NRG3: variants seen among roughly 807,000 people sequenced by gnomAD.
The protein encoded by NRG3 is neuregulin 3, also known as pro-neuregulin-3, membrane-bound isoform.
In NRG3, 31 loss-of-function variants were observed where a neutral mutation model predicts 66.9. That is an observed-to-expected ratio of 0.46 (90% CI 0.35 to 0.63). NRG3 has a LOEUF of 0.63. Ranked by LOEUF, NRG3 falls within the 20% of genes least tolerant of loss-of-function variation. The pLI is 0.00. For missense variants in NRG3, 910 were observed against 878.9 expected (o/e 1.04, Z -0.45); for synonymous variants, 393 against 359.4 (o/e 1.09, Z -1.06).
chr10:82,454,527 T>C (rs2091182673), intron 2 of NRG3, among the ~76,000 whole-genome samples: 1 of 152,180 alleles, frequency 6.6e-6, no homozygotes, highest in Non-Finnish European at 1.5e-5. Context: ...GTGTAAAATA[T>C]AATGTATTAT....
intron 1 of NRG3, among the ~76,000 whole-genome samples, chr10:82,174,654 T>C (rs761781682): frequency 5.3e-5 from 8 of 152,112 alleles, no homozygotes; most frequent in Non-Finnish European, 1.0e-4. Context: ...CTTTTCAATA[T>C]ATCAGTTCTC....
At chr10:82,868,245 T>C (rs1431036091) in intron 4 of NRG3, among the ~76,000 whole-genome samples, 1 of 152,248 alleles carries the variant, frequency 6.6e-6, no homozygotes, top group African/African-American at 2.4e-5. Flanking sequence ...TAATTTGCTA[T>C]AGATGCAATC....
chr10:82,894,618 T>G (rs1843471965), intron 4 of NRG3, among the ~76,000 whole-genome samples: 1 of 152,216 alleles, frequency 6.6e-6, no homozygotes, highest in African/African-American at 2.4e-5. Flanking sequence ...TTGTATAAAT[T>G]TGTATTTTTC....
At chr10:82,059,224 C>T (rs2064004024) in intron 1 of NRG3, among the ~76,000 whole-genome samples, 1 of 152,172 alleles carries the variant, frequency 6.6e-6, no homozygotes, top group Non-Finnish European at 1.5e-5. Flanking sequence ...TTTTGAACAA[C>T]ATCTAGGCTG....
intron 2 of NRG3, among the ~76,000 whole-genome samples, chr10:82,379,721 A>G (rs774135562): frequency 8.5e-5 from 13 of 152,078 alleles, no homozygotes; most frequent in Admixed American, 2.0e-4. Flanking sequence ...CTTTGTATAT[A>G]TGTATATTAC....
At chr10:82,603,328 T>C (rs919726623) in intron 2 of NRG3, among the ~76,000 whole-genome samples, 4 of 152,218 alleles carry the variant, frequency 2.6e-5, no homozygotes, top group African/African-American at 9.6e-5. Flanking sequence ...CCCTCTTTTT[T>C]ATTCAAACCA....
At chr10:81,973,623 C>T (rs1589649562) in intron 1 of NRG3, among the ~76,000 whole-genome samples, 1 of 152,086 alleles carries the variant, frequency 6.6e-6, no homozygotes, top group Non-Finnish European at 1.5e-5. Context: ...TAGATGGTAT[C>T]TCATTGCAGT....
chr10:81,954,531 G>T (rs1168344575), intron 1 of NRG3, among the ~76,000 whole-genome samples: 1 of 152,102 alleles, frequency 6.6e-6, no homozygotes, highest in Non-Finnish European at 1.5e-5. Flanking sequence ...GAACTCAAGA[G>T]CTTGCTTTCT....
At chr10:82,128,073 G>A (rs1394772335) in intron 1 of NRG3, among the ~76,000 whole-genome samples, 3 of 151,880 alleles carry the variant, frequency 2.0e-5, no homozygotes, top group Non-Finnish European at 2.9e-5. Flanking sequence ...TAATGACTGA[G>A]TTGGACTTGT....
chr10:82,755,092 A>T lies in NRG3; in HGVS notation c.1027+16442A>T, dbSNP rs1395596753. Among the ~76,000 whole-genome samples the T allele has an allele frequency of 7.2e-5, 11 of 152,146 alleles. No homozygotes were observed. The East Asian group carries it at 1.7e-3, about 24-fold the overall frequency. ...ATAGTGGTCAAGAGTGGGGAGATAT[A>T]TCTCAGGAGAGTCTCAGGTAGTTTG... On this transcript the variant is annotated intron_variant, in intron 3 of 8. Transcript: ENST00000372141.
At chr10:82,601,655 C>T (rs911171503) in intron 2 of NRG3, among the ~76,000 whole-genome samples, 12 of 151,444 alleles carry the variant, frequency 7.9e-5, no homozygotes, top group Non-Finnish European at 1.0e-4. Flanking sequence ...TTCATTTCAT[C>T]TTTGTCCTTA....
intron 2 of NRG3, among the ~76,000 whole-genome samples, chr10:82,685,176 C>CGA (rs752213846): frequency 4.6e-5 from 7 of 152,086 alleles, no homozygotes; most frequent in Non-Finnish European, 8.8e-5. Context: ...TCTCCAAGAG[C>CGA]CCAGGTGTTT....
intron 1 of NRG3, among the ~76,000 whole-genome samples, chr10:81,968,917 G>A (rs941422917): frequency 3.3e-5 from 5 of 152,188 alleles, no homozygotes; most frequent in East Asian, 1.9e-4. Context: ...CAGAGAAGAC[G>A]AAGTGAGGCG....
In NRG3 at chr10:82,796,193, A is replaced by G. The variant is rs17100800; in HGVS notation, c.1027+57543A>G. ...TCATGAATATGGTGCATTCTCCTGA[A>G]GTATCAATTTTACTCAGTACTGAAA... On this transcript the variant is annotated intron_variant, in intron 3 of 8. Coordinates refer to ENST00000372141, the MANE Select transcript of NRG3 (RefSeq NM_001010848.4). 6.9e-3 allele frequency among the ~76,000 whole-genome samples: 1,045 copies of G among 152,294 alleles called. 13 individuals carry two copies. The highest frequency in any genetic ancestry group is 0.024 in the African/African-American group (1,007 of 41,564).
chr10:82,130,104 TTGTC>T (rs1188466046), intron 1 of NRG3, among the ~76,000 whole-genome samples: 1 of 152,098 alleles, frequency 6.6e-6, no homozygotes, highest in African/African-American at 2.4e-5. Context: ...CATGCAAAGT[TTGTC>T]TTTCTGTGCT....
chr10:82,425,405 GT>G (rs34230492), intron 2 of NRG3, among the ~76,000 whole-genome samples: 149,792 of 151,288 alleles, frequency 0.99, 74,163 homozygotes, highest in East Asian at 1. Flanking sequence ...TTAAATGGAG[GT>G]TTTTTTTTTA....
At chr10:82,172,082 G>A (rs2072665332) in intron 1 of NRG3, among the ~76,000 whole-genome samples, 1 of 152,120 alleles carries the variant, frequency 6.6e-6, no homozygotes, top group African/African-American at 2.4e-5. Context: ...GTAGCAGCCA[G>A]TGATGGAAAT....
chr10:82,255,007 G>C (rs142806814), intron 1 of NRG3, among the ~76,000 whole-genome samples: 13 of 152,284 alleles, frequency 8.5e-5, no homozygotes, highest in Non-Finnish European at 1.5e-4. Flanking sequence ...GAAGGAACAA[G>C]GAATAACTAA....
chr10:82,462,250 T>C (rs1397542044), intron 2 of NRG3, among the ~76,000 whole-genome samples: 2 of 152,090 alleles, frequency 1.3e-5, no homozygotes, highest in Non-Finnish European at 2.9e-5. Flanking sequence ...CTTTGAATCA[T>C]AGAAGTTCAA....
Sources: allele counts gnomAD v4.1 joint callset (sites outside exome capture counted in the v4.1 genomes callset), GRCh38; gene constraint gnomAD v4.1.1; transcripts MANE v1.5; gene names NCBI Gene and HGNC (gene_info 2026-07-23, HGNC 2026-07-21).